Variants in ZMIZ1 observed in about 807,000 individuals in gnomAD.
ZMIZ1 encodes the protein zinc finger MIZ-type containing 1, also known as zinc finger MIZ domain-containing protein 1.
Under a neutral mutation model 113.9 loss-of-function variants are expected in ZMIZ1, and 17 were observed. The observed-to-expected ratio is 0.15, with a 90% CI of 0.10 to 0.22. ZMIZ1 has a LOEUF of 0.22. Ranked by LOEUF, ZMIZ1 falls within the 10% of genes least tolerant of loss-of-function variation. The pLI is 1.00. For synonymous variants in ZMIZ1, 607 were observed against 603.1 expected (o/e 1.01, Z -0.09); for missense variants, 1,059 against 1,477.8 (o/e 0.72, Z 4.65).
chr10:79,314,695 A>G lies in ZMIZ1; in HGVS notation c.*1946A>G, dbSNP rs1280535465. The G allele has an allele frequency of 1.2e-5, 2 of 171,082 alleles. No homozygotes were observed. The highest frequency in any genetic ancestry group is 2.5e-5 in the Non-Finnish European group (2 of 80,254). The allele number at this position is 171,082 out of a possible 1,614,324, so 10.6% of individuals were successfully genotyped here. ...ACCGAGTCTTCTTTTTTTTTAAACAAAAACAAAAAAAGCAACCAGGGCTAT... is the reference window on the plus strand; with the variant it reads ...ACCGAGTCTTCTTTTTTTTTAAACAGAAACAAAAAAAGCAACCAGGGCTAT... On this transcript the variant is annotated 3_prime_UTR_variant, in exon 25 of 25. Transcript: ENST00000334512.
At chr10:79,125,066 G>A (rs1314375712) in intron 2 of ZMIZ1, among the ~76,000 whole-genome samples, 1 of 152,242 alleles carries the variant, frequency 6.6e-6, no homozygotes, top group African/African-American at 2.4e-5. Context: ...CTTGTCCACT[G>A]GCCGGACCTT....
intron 2 of ZMIZ1, among the ~76,000 whole-genome samples, chr10:79,132,243 G>A (rs1449342510): frequency 6.6e-6 from 1 of 152,204 alleles, no homozygotes; most frequent in Non-Finnish European, 1.5e-5. Context: ...AGTCACTGGA[G>A]AGAGGGAAGG....
chr10:79,311,331 A>G lies in ZMIZ1; in HGVS notation c.3096+147A>G, dbSNP rs931840516. 3.0e-6 allele frequency: 4 copies of G among 1,345,068 alleles called. No homozygotes were observed. The East Asian group carries it at 1.0e-4, about 34-fold the overall frequency. 83.3% of individuals were successfully genotyped at this position (1,345,068 alleles called of 1,614,324 possible). On this transcript the variant is annotated intron_variant, in intron 24 of 24. Transcript: ENST00000334512. ...GGGCTTCACCCAGACCTGGCTCCAG[A>G]CCAGGAAGCCCCATGATGGGGAAGT...
intron 23 of ZMIZ1, 130 bp downstream of exon 23, chr10:79,307,701 A>G: frequency 6.5e-6 from 7 of 1,082,740 alleles, no homozygotes; most frequent in Non-Finnish European, 7.8e-6. Flanking sequence ...AGAATGGAAT[A>G]GGAGGGGTCT....
Position 79,309,489 on chromosome 10 carries a change from G to A in ZMIZ1, c.2836-1435G>A, listed in dbSNP as rs78185097. ...AGCCTCTTGTATGTGTCTCATAAACGGGTCTCCCAAGGTCTCCAGCAGCAC... is the reference window on the plus strand; with the variant it reads ...AGCCTCTTGTATGTGTCTCATAAACAGGTCTCCCAAGGTCTCCAGCAGCAC... On this transcript the variant is annotated intron_variant, in intron 23 of 24. Transcript: ENST00000334512. 7.4e-3 allele frequency among the ~76,000 whole-genome samples: 1,120 copies of A among 152,282 alleles called. 9 individuals carry two copies. The highest frequency in any genetic ancestry group is 0.026 in the African/African-American group (1,061 of 41,540).
chr10:79,217,301 T>G (rs1189398069), intron 7 of ZMIZ1, among the ~76,000 whole-genome samples: 1 of 152,096 alleles, frequency 6.6e-6, no homozygotes, highest in Non-Finnish European at 1.5e-5. Context: ...GGCGGGCGCC[T>G]GTAGTCCCAG....
At position 79,227,411 on chromosome 10, in the gene ZMIZ1, C is replaced by T. The variant is rs1849237488; in HGVS notation, c.280+11137C>T. ...CAGCTGTTTCATAGAGAAGGGTGGT[C>T]ATTAAAAAGCATGGATTCTGGAGTA... On this transcript the variant is annotated intron_variant, in intron 7 of 24. Transcript: ENST00000334512. Among the ~76,000 whole-genome samples, 3 of 152,188 alleles carry T rather than the reference C, an allele frequency of 2.0e-5. No homozygotes were observed. In the South Asian group the frequency reaches 6.2e-4, roughly 32 times the overall value.
chr10:79,182,097 GA>G (rs2132573938), intron 4 of ZMIZ1, among the ~76,000 whole-genome samples: 1 of 152,320 alleles, frequency 6.6e-6, no homozygotes, highest in Non-Finnish European at 1.5e-5. Context: ...TCAGTCACCT[GA>G]CATTACCAGA....
intron 14 of ZMIZ1, 144 bp downstream of exon 14, chr10:79,297,834 A>G: frequency 1.5e-6 from 1 of 667,646 alleles, no homozygotes; most frequent in South Asian, 1.8e-5. Flanking sequence ...TCCTGGGGAC[A>G]GAGATGCTCA....
At chr10:79,308,070 A>G (rs897343442) in intron 23 of ZMIZ1, among the ~76,000 whole-genome samples, 1 of 152,232 alleles carries the variant, frequency 6.6e-6, no homozygotes, top group African/African-American at 2.4e-5. Context: ...TTTCACACTT[A>G]TCGACATATG....
At chr10:79,270,491 C>T (rs1004811905) in intron 7 of ZMIZ1, among the ~76,000 whole-genome samples, 1 of 152,212 alleles carries the variant, frequency 6.6e-6, no homozygotes, top group East Asian at 1.9e-4. Context: ...CCTGGTCGCA[C>T]ACACCACTAT....
intron 7 of ZMIZ1, among the ~76,000 whole-genome samples, chr10:79,265,213 T>C (rs1331632441): frequency 1.3e-5 from 2 of 152,090 alleles, no homozygotes; most frequent in Non-Finnish European, 1.5e-5. Flanking sequence ...GGACAGGCTG[T>C]AGGCCCTCTC....
At chr10:79,223,483 C>T (rs1283024121) in intron 7 of ZMIZ1, among the ~76,000 whole-genome samples, 1 of 152,202 alleles carries the variant, frequency 6.6e-6, no homozygotes, top group East Asian at 1.9e-4. Context: ...GGGCTGTCTC[C>T]ACCGCCCCGG....
chr10:79,171,773 A>G (rs1393815240), intron 4 of ZMIZ1, among the ~76,000 whole-genome samples: 2 of 152,192 alleles, frequency 1.3e-5, no homozygotes, highest in Admixed American at 6.5e-5. Flanking sequence ...GAGCATTTCA[A>G]GAATTTCAGG....
At chr10:79,136,012 CAA>C (rs1170376048) in intron 2 of ZMIZ1, among the ~76,000 whole-genome samples, 5 of 151,980 alleles carry the variant, frequency 3.3e-5, no homozygotes, top group Admixed American at 6.5e-5. Context: ...AGATGGAAAA[CAA>C]AGAGAGAAAA....
intron 7 of ZMIZ1, among the ~76,000 whole-genome samples, chr10:79,253,710 A>T (rs1296010387): frequency 1.3e-5 from 2 of 152,120 alleles, no homozygotes; most frequent in African/African-American, 4.8e-5. Flanking sequence ...CGCCCTGGGG[A>T]ATTTGGGATC....
chr10:79,136,509 C>T (rs1024662936), intron 2 of ZMIZ1, among the ~76,000 whole-genome samples: 10 of 152,302 alleles, frequency 6.6e-5, no homozygotes, highest in African/African-American at 2.4e-4. Context: ...CAGAGTCAGC[C>T]CTAGGTTGCT....
At chr10:79,241,954 G>C (rs1284485885) in intron 7 of ZMIZ1, among the ~76,000 whole-genome samples, 1 of 152,176 alleles carries the variant, frequency 6.6e-6, no homozygotes, top group Non-Finnish European at 1.5e-5. Flanking sequence ...GGGGATGAAT[G>C]ATGGGGACTC....
intron 3 of ZMIZ1, among the ~76,000 whole-genome samples, chr10:79,155,817 A>G (rs1845883307): frequency 6.6e-6 from 1 of 152,214 alleles, no homozygotes; most frequent in Non-Finnish European, 1.5e-5. Flanking sequence ...TCTTCTCCCT[A>G]AAAGCCTCTG....
Sources: allele counts gnomAD v4.1 joint callset (sites outside exome capture counted in the v4.1 genomes callset), GRCh38; gene constraint gnomAD v4.1.1; transcripts MANE v1.5; gene names NCBI Gene and HGNC (gene_info 2026-07-23, HGNC 2026-07-21).